Variants in SNRNP70 observed in about 807,000 individuals in gnomAD.
SNRNP70 encodes the protein small nuclear ribonucleoprotein U1 subunit 70, also known as U1 small nuclear ribonucleoprotein 70 kDa.
In SNRNP70, 8 loss-of-function variants were observed where a neutral mutation model predicts 50.5. The ratio of observed to expected loss-of-function variants is 0.16; its 90% CI spans 0.09 to 0.29. The LOEUF (loss-of-function observed/expected upper bound fraction) is 0.29. Among genes scored for constraint, SNRNP70 ranks in the 10% least tolerant of loss-of-function variants. The pLI is 1.00. For synonymous variants in SNRNP70, 320 were observed against 252.9 expected (o/e 1.27, Z -2.52); for missense variants, 529 against 663.5 (o/e 0.80, Z 2.23).
chr19:49,106,176 A>ACTCTGGTCT, intron 8 of SNRNP70, among the ~76,000 whole-genome samples: 1 of 151,614 alleles, frequency 6.6e-6, no homozygotes, highest in East Asian at 1.9e-4. Flanking sequence ...TTCTTACCTT[A>ACTCTGGTCT]CTCTGGTCTC....
chr19:49,102,236 C>G, intron 7 of SNRNP70: 2 of 1,243,598 alleles, frequency 1.6e-6, no homozygotes, highest in Non-Finnish European at 2.1e-6. Context: ...CCCAGCTTAG[C>G]CAGGCAGCTC....
intron 4 of SNRNP70, among the ~76,000 whole-genome samples, chr19:49,093,198 C>T (rs552688860): frequency 1.3e-5 from 2 of 151,928 alleles, no homozygotes; most frequent in East Asian, 2.0e-4. Context: ...CCGGTTCAAG[C>T]GATTTCCCTG....
intron 7 of SNRNP70, 57 bp downstream of exon 7, chr19:49,101,528 C>A: frequency 8.2e-7 from 1 of 1,219,432 alleles, no homozygotes; most frequent in Non-Finnish European, 1.2e-6. Flanking sequence ...TCTGCTGCCC[C>A]AGCCCCTCCC....
rs1422052354 is a variant in SNRNP70 at position 49,098,563 on chromosome 19, G to A, written c.330+72G>A. The A allele has an allele frequency of 1.9e-6, 3 of 1,594,886 alleles. No homozygotes were observed. In the African/African-American group the frequency reaches 4.0e-5, roughly 21 times the overall value. On this transcript the variant is annotated intron_variant, in intron 5 of 9. Coordinates refer to ENST00000598441, the MANE Select transcript of SNRNP70 (RefSeq NM_003089.6). ...CTGGGTCTGGCACAAAGGTCAAATA[G>A]GCTAGGTACAGGGGAATGTTCCAGG...
chr19:49,104,837 A>G lies in SNRNP70; in HGVS notation c.577+102A>G. 3.0e-6 allele frequency: 2 copies of G among 677,622 alleles called. No homozygotes were observed. The highest frequency in any genetic ancestry group is 2.1e-5 in the South Asian group (1 of 48,746). 42.0% of individuals were successfully genotyped at this position (677,622 alleles called of 1,614,324 possible). A position where few individuals can be genotyped will look rare whatever the true frequency, so the allele number is the denominator to read the frequency against. On this transcript the variant is annotated intron_variant, in intron 8 of 9. Transcript: ENST00000598441. The surrounding 1 kb of genome is among the most constrained non-coding windows in gnomAD (Gnocchi z 5.4). ...CTGCTTCTCTGTCTCCTGCCGGCCC[A>G]CCTCTCCCATCGCGTCCTCATCTCC... is the stretch of plus-strand genomic sequence containing the variant.
At chr19:49,105,219 A>T (rs539869274) in intron 8 of SNRNP70, among the ~76,000 whole-genome samples, 1 of 152,204 alleles carries the variant, frequency 6.6e-6, no homozygotes, top group East Asian at 1.9e-4. Flanking sequence ...GTTGAGCAAC[A>T]CAGAGGCAGC....
chr19:49,108,561 G>A lies in SNRNP70; in HGVS notation c.*118G>A. 2 of 1,289,268 alleles carry A rather than the reference G, an allele frequency of 1.6e-6. No homozygotes were observed. The highest frequency in any genetic ancestry group is 3.0e-5 in the South Asian group (2 of 66,812). The allele number at this position is 1,289,268 out of a possible 1,614,324, so 79.9% of individuals were successfully genotyped here. ...TCCTCCAAGGGTAGGTGTCTCATTT[G>A]TTCTGGCCCCTTGGATTTAAAAATA... On this transcript the variant is annotated 3_prime_UTR_variant, in exon 10 of 10. Coordinates refer to ENST00000598441, the MANE Select transcript of SNRNP70 (RefSeq NM_003089.6).
Position 49,108,479 on chromosome 19 carries a change from G to A in SNRNP70, c.*36G>A, listed in dbSNP as rs1295891953. The A allele has an allele frequency of 1.3e-5, 20 of 1,555,708 alleles. 1 individual carries two copies. Among genetic ancestry groups the A allele is most frequent in the African/African-American group, 1.2e-4 (9 of 73,404 alleles). On this transcript the variant is annotated 3_prime_UTR_variant, in exon 10 of 10. Coordinates refer to ENST00000598441, the MANE Select transcript of SNRNP70 (RefSeq NM_003089.6). ...CTCTCCATCTGCTGTGTTTGGACGCGTTCCTGCCCAGCCCCTTGCTGTCAT... is the reference window on the plus strand; with the variant it reads ...CTCTCCATCTGCTGTGTTTGGACGCATTCCTGCCCAGCCCCTTGCTGTCAT...
chr19:49,106,450 G>A (rs556463317), intron 8 of SNRNP70, among the ~76,000 whole-genome samples: 1 of 152,302 alleles, frequency 6.6e-6, no homozygotes, highest in African/African-American at 2.4e-5. Flanking sequence ...CAACCCATCA[G>A]ATTGATGATG....
At chr19:49,093,719 G>T (rs2040479287) in intron 4 of SNRNP70, among the ~76,000 whole-genome samples, 1 of 148,320 alleles carries the variant, frequency 6.7e-6, no homozygotes, top group South Asian at 2.1e-4. Flanking sequence ...TCCAGGCCAG[G>T]CACGGAGGCT....
At position 49,108,532 on chromosome 19, in the gene SNRNP70, T is replaced by G; in HGVS notation, c.*89T>G. ...CCTCCCCCAACCTTGGCCACTTGAG[T>G]TTGTCCTCCAAGGGTAGGTGTCTCA... On this transcript the variant is annotated 3_prime_UTR_variant, in exon 10 of 10. Coordinates refer to ENST00000598441, the MANE Select transcript of SNRNP70 (RefSeq NM_003089.6). 1 of 1,490,174 alleles carries G rather than the reference T, an allele frequency of 6.7e-7. No individual in the cohort carries two copies. Among genetic ancestry groups the G allele is most frequent in the Non-Finnish European group, 9.0e-7 (1 of 1,112,546 alleles). 92.3% of individuals were successfully genotyped at this position (1,490,174 alleles called of 1,614,324 possible).
At chr19:49,088,397 C>T (rs1183230769) in intron 2 of SNRNP70, among the ~76,000 whole-genome samples, 1 of 150,770 alleles carries the variant, frequency 6.6e-6, no homozygotes, top group African/African-American at 2.4e-5. Flanking sequence ...GATGGGGTTT[C>T]ACCGTGTTAG....
In SNRNP70 at chr19:49,104,554, A is replaced by G; in HGVS notation, c.476-80A>G. ...GTGATGATGGGGACACGGGGCGGGG[A>G]TTCTGTAGAGCTGGGCCTGTCCTGA... On this transcript the variant is annotated intron_variant, in intron 7 of 9. Transcript: ENST00000598441. This position sits in a 1 kb window ranked among gnomAD's most constrained non-coding sequence, Gnocchi z 5.4. 1 of 1,071,600 alleles carries G rather than the reference A, an allele frequency of 9.3e-7. No homozygotes were observed. Among genetic ancestry groups the G allele is most frequent in the Non-Finnish European group, 1.4e-6 (1 of 715,164 alleles). 66.4% of individuals were successfully genotyped at this position (1,071,600 alleles called of 1,614,324 possible).
At position 49,108,016 on chromosome 19, in the gene SNRNP70, G is replaced by A; in HGVS notation, c.887G>A (p.Arg296Gln). The A allele has an allele frequency of 6.5e-7, 1 of 1,548,208 alleles. No individual in the cohort carries two copies. The highest frequency in any genetic ancestry group is 2.4e-5 in the East Asian group (1 of 41,056). ...CGGAAGCGGCGAAGCAGCCGGAGTCGGGAGCGGGCCCGGCGGGAGCGGGAG... is the reference window on the plus strand; with the variant it reads ...CGGAAGCGGCGAAGCAGCCGGAGTCAGGAGCGGGCCCGGCGGGAGCGGGAG... ...RDRKRRSSRSRERARRERERK... is the reference protein window; with the variant it reads ...RDRKRRSSRSQERARRERERK... Residue 296 changes from arginine (R) to glutamine (Q), a missense_variant, in exon 10 of 10, where the codon CGG becomes CAG. By Grantham distance (43) the Arg-to-Gln change is conservative. Around this residue, in one of 4 missense-constraint regions of SNRNP70, gnomAD observed 327 missense variants for 308.8 expected, o/e 1.06. Transcript: ENST00000598441.
At position 49,107,884 on chromosome 19, in the gene SNRNP70, G is replaced by A; in HGVS notation, c.755G>A (p.Arg252Gln). 3.2e-6 allele frequency: 5 copies of A among 1,551,604 alleles called. No individual in the cohort carries two copies. The highest frequency in any genetic ancestry group is 3.5e-6 in the Non-Finnish European group (4 of 1,148,526). The change falls in exon 10 of 10, where the codon CGA becomes CAA. Residue 252 changes from arginine (R) to glutamine (Q), a missense_variant. Arg to Gln is a conservative substitution (Grantham distance 43, BLOSUM62 1). Coordinates refer to ENST00000598441, the MANE Select transcript of SNRNP70 (RefSeq NM_003089.6). The surrounding 1 kb of genome is among the most constrained non-coding windows in gnomAD (Gnocchi z 6.0). Reference protein sequence around the residue: ...RERSRERDKERERRRSRSRDR... With the variant: ...RERSRERDKEQERRRSRSRDR... ...CGGAGCCGGGAGCGAGACAAGGAGC[G>A]AGAACGGCGACGCTCCCGCTCCCGG...
chr19:49,099,581 A>T (rs1000325966), intron 6 of SNRNP70, among the ~76,000 whole-genome samples: 49 of 151,428 alleles, frequency 3.2e-4, no homozygotes, highest in African/African-American at 1.2e-3. Context: ...AAAAAAAAAA[A>T]TACAAAAATT....
chr19:49,100,487 C>T (rs142001437), intron 6 of SNRNP70, among the ~76,000 whole-genome samples: 3 of 152,270 alleles, frequency 2.0e-5, no homozygotes, highest in Non-Finnish European at 4.4e-5. Flanking sequence ...TGGCTGTGCA[C>T]GTGTCCTTTC....
chr19:49,106,990 G>A (rs1476935577), intron 8 of SNRNP70, among the ~76,000 whole-genome samples: 1 of 152,176 alleles, frequency 6.6e-6, no homozygotes, highest in Non-Finnish European at 1.5e-5. Flanking sequence ...TGAGTACATA[G>A]GACTGTGAGG....
chr19:49,105,913 C>T (rs975563490), intron 8 of SNRNP70, among the ~76,000 whole-genome samples: 2 of 152,192 alleles, frequency 1.3e-5, no homozygotes, highest in Non-Finnish European at 2.9e-5. Context: ...TCTCTTGTTT[C>T]GGGGTGGGCA....
Sources: allele counts gnomAD v4.1 joint callset (sites outside exome capture counted in the v4.1 genomes callset), GRCh38; gene constraint gnomAD v4.1.1; regional missense constraint gnomAD v4.1.1; non-coding constraint Gnocchi (gnomAD v3.1); transcripts MANE v1.5; gene names NCBI Gene and HGNC (gene_info 2026-07-23, HGNC 2026-07-21).